The following HAPSTR1 variants were observed in gnomAD, a reference collection of about 807,000 sequenced individuals.
HAPSTR1 encodes HUWE1-associated protein modifying stress responses 1.
chr16:9,103,045 C>A, the HAPSTR1 span: 1 of 1,614,126 alleles, frequency 6.2e-7, no homozygotes, highest in Non-Finnish European at 8.5e-7. Flanking sequence ...ATCAGCGACG[C>A]AATAAGGATG....
chr16:9,114,447 G>T, the HAPSTR1 span, among the ~76,000 whole-genome samples: 2 of 152,196 alleles, frequency 1.3e-5, no homozygotes, highest in Admixed American at 1.3e-4. Context: ...CCTCATAAGG[G>T]AGGTGCTGGG....
chr16:9,118,761 A>G, the HAPSTR1 span: 1 of 152,630 alleles, frequency 6.6e-6, no homozygotes. Context: ...AGATTCTGGA[A>G]TTGGGGTTTG....
At chr16:9,113,804 G>A in the HAPSTR1 span, among the ~76,000 whole-genome samples, 6 of 152,088 alleles carry the variant, frequency 3.9e-5, no homozygotes, top group African/African-American at 9.7e-5. Context: ...TTAGTCTTGC[G>A]GTAGAACTTT....
the HAPSTR1 span, chr16:9,103,776 C>G: frequency 6.5e-6 from 1 of 154,878 alleles, no homozygotes. Flanking sequence ...AGGTCCCTTG[C>G]ACTTTAAGAG....
the HAPSTR1 span, chr16:9,103,548 G>A: frequency 3.4e-6 from 1 of 290,414 alleles, no homozygotes; most frequent in African/African-American, 2.2e-5. Flanking sequence ...CTTATGTGTT[G>A]TACGTGTTTT....
chr16:9,092,949 T>C, the HAPSTR1 span: 9 of 1,610,478 alleles, frequency 5.6e-6, no homozygotes, highest in Non-Finnish European at 7.6e-6. Context: ...CAGGACTTTC[T>C]CTCTGGGTCC....
the HAPSTR1 span, chr16:9,102,889 T>C: frequency 7.6e-7 from 1 of 1,308,698 alleles, no homozygotes; most frequent in Non-Finnish European, 1.1e-6. Context: ...CATCATGGTA[T>C]TCACTTTGGT....
At chr16:9,113,371 C>G in the HAPSTR1 span, among the ~76,000 whole-genome samples, 3 of 152,168 alleles carry the variant, frequency 2.0e-5, no homozygotes, top group Non-Finnish European at 4.4e-5. Context: ...TTCCCAGAAG[C>G]TGTTAGAATT....
At chr16:9,120,456 GAT>G in the HAPSTR1 span, 1 of 152,062 alleles carries the variant, frequency 6.6e-6, no homozygotes, top group Non-Finnish European at 1.5e-5. Context: ...GATGGGATGA[GAT>G]ATCCAGGGTT....
At chr16:9,091,787 G>T in the HAPSTR1 span, 3 of 394,252 alleles carry the variant, frequency 7.6e-6, no homozygotes, top group Admixed American at 4.4e-5. Context: ...GGGCGGCAGC[G>T]GTTATCTGGT....
the HAPSTR1 span, among the ~76,000 whole-genome samples, chr16:9,114,098 C>G: frequency 6.6e-6 from 1 of 152,144 alleles, no homozygotes; most frequent in Non-Finnish European, 1.5e-5. Flanking sequence ...AGAAAGATAG[C>G]TCAAGATTTT....
chr16:9,105,519 T>G, the HAPSTR1 span: 1 of 152,196 alleles, frequency 6.6e-6, no homozygotes, highest in African/African-American at 2.4e-5. Flanking sequence ...GAAAGTAATT[T>G]GAATGGTTCT....
At chr16:9,106,338 C>A in the HAPSTR1 span, 1 of 144,548 alleles carries the variant, frequency 6.9e-6, no homozygotes, top group Admixed American at 6.9e-5. Context: ...ATAGCCCAGG[C>A]TGGAGTGTAG....
the HAPSTR1 span, chr16:9,117,730 G>T: frequency 6.6e-6 from 1 of 152,490 alleles, no homozygotes; most frequent in Non-Finnish European, 1.5e-5. Flanking sequence ...AAGTAGAGAG[G>T]TCATGAACTT....
chr16:9,111,929 A>G, the HAPSTR1 span: 1 of 151,826 alleles, frequency 6.6e-6, no homozygotes. Context: ...TGCTTTTTTC[A>G]TTTTAACGTC....
chr16:9,097,191 T>C, the HAPSTR1 span, among the ~76,000 whole-genome samples: 1 of 151,658 alleles, frequency 6.6e-6, no homozygotes. Flanking sequence ...CCGCCCGCCT[T>C]GGCCTCCCAT....
At chr16:9,092,777 A>T in the HAPSTR1 span, 1 of 883,640 alleles carries the variant, frequency 1.1e-6, no homozygotes, top group Non-Finnish European at 1.7e-6. Flanking sequence ...TGGGATCCCG[A>T]AACCCCTGAA....
At chr16:9,106,891 C>T in the HAPSTR1 span, 1 of 152,038 alleles carries the variant, frequency 6.6e-6, no homozygotes, top group African/African-American at 2.4e-5. Context: ...TACTTGAGAC[C>T]AGAAATCTTC....
At chr16:9,103,808 C>T in the HAPSTR1 span, 6 of 153,572 alleles carry the variant, frequency 3.9e-5, no homozygotes, top group Non-Finnish European at 8.7e-5. Context: ...AGAGTGCAGC[C>T]AGTGGGCAGG....
Sources: allele counts gnomAD v4.1 joint callset (sites outside exome capture counted in the v4.1 genomes callset), GRCh38; gene constraint gnomAD v4.1.1; transcripts MANE v1.5; gene names NCBI Gene and HGNC (gene_info 2026-07-23, HGNC 2026-07-21).